The following KLF8 variants were observed in gnomAD, a reference collection of about 807,000 sequenced individuals.
KLF8 encodes KLF transcription factor 8, also known as Krueppel-like factor 8.
A neutral mutation model predicts 18.2 loss-of-function variants in KLF8; 10 were observed. That is an observed-to-expected ratio of 0.55 (90% CI 0.34 to 0.93). The LOEUF (loss-of-function observed/expected upper bound fraction) is 0.93. Ranked by LOEUF, KLF8 falls within the 40% of genes least tolerant of loss-of-function variation. The pLI is 0.02. For synonymous variants in KLF8, 109 were observed against 97.3 expected (o/e 1.12, Z -0.71); for missense variants, 264 against 277.9 (o/e 0.95, Z 0.36).
At chrX:56,094,752 G>T in the KLF8 span, among the ~76,000 whole-genome samples, 1 of 111,240 alleles carries the variant, frequency 9.0e-6, no homozygotes, top group Non-Finnish European at 1.9e-5. Context: ...TACAAAATGT[G>T]CTCCCAAACA....
the KLF8 span, among the ~76,000 whole-genome samples, chrX:55,966,836 G>T: frequency 8.9e-6 from 1 of 111,929 alleles, no homozygotes; most frequent in African/African-American, 3.2e-5. Context: ...TTCAGACAGA[G>T]AATTCAAAAT....
chrX:56,079,551 T>C, the KLF8 span, among the ~76,000 whole-genome samples: 1 of 111,709 alleles, frequency 9.0e-6, no homozygotes, highest in Admixed American at 9.5e-5. Flanking sequence ...TGAGGAGAGC[T>C]TTACTTCCCA....
the KLF8 span, chrX:55,908,733 C>T: frequency 2.5e-5 from 7 of 284,803 alleles, no homozygotes; most frequent in East Asian, 3.5e-4. Context: ...TCAATCCCGG[C>T]CCCGCCCCGT....
the KLF8 span, among the ~76,000 whole-genome samples, chrX:56,113,554 G>GTTTTTTTTTT: frequency 1.3e-3 from 45 of 34,652 alleles, 1 homozygote; most frequent in African/African-American, 3.3e-3. Flanking sequence ...GGCAGGGATA[G>GTTTTTTTTTT]TTTTTTTTTT....
At chrX:56,130,246 C>CA in the KLF8 span, among the ~76,000 whole-genome samples, 1 of 111,635 alleles carries the variant, frequency 9.0e-6, no homozygotes, top group Non-Finnish European at 1.9e-5. Flanking sequence ...AGGGCACTCA[C>CA]AGAGTCCATT....
chrX:55,933,024 T>C, the KLF8 span, among the ~76,000 whole-genome samples: 3 of 112,094 alleles, frequency 2.7e-5, no homozygotes, highest in Non-Finnish European at 3.8e-5. Flanking sequence ...AGTGTTTAAA[T>C]GTTTTAACTA....
chrX:56,117,121 A>T, the KLF8 span, among the ~76,000 whole-genome samples: 4 of 110,921 alleles, frequency 3.6e-5, no homozygotes, highest in East Asian at 2.8e-4. Flanking sequence ...TATTAATTTT[A>T]AAAAAGAAGG....
At chrX:56,220,623 C>G in the KLF8 span, among the ~76,000 whole-genome samples, 2 of 111,076 alleles carry the variant, frequency 1.8e-5, no homozygotes, top group African/African-American at 6.5e-5. Context: ...GTAGTTGGGA[C>G]TACAGGCATG....
chrX:56,160,757 T>C, the KLF8 span, among the ~76,000 whole-genome samples: 1 of 111,389 alleles, frequency 9.0e-6, no homozygotes, highest in South Asian at 3.8e-4. Flanking sequence ...TCTTCTTCCA[T>C]CCCTTTATTT....
the KLF8 span, among the ~76,000 whole-genome samples, chrX:56,159,692 T>A: frequency 1.8e-5 from 2 of 112,548 alleles, no homozygotes; most frequent in African/African-American, 6.5e-5. Context: ...TTTATAGTAC[T>A]CTCTGATGGT....
the KLF8 span, among the ~76,000 whole-genome samples, chrX:56,188,690 G>A: frequency 1.8e-5 from 2 of 111,655 alleles, no homozygotes; most frequent in African/African-American, 6.5e-5. Flanking sequence ...CAATGAAACA[G>A]AATAGAGCCC....
chrX:56,106,098 A>T, the KLF8 span, among the ~76,000 whole-genome samples: 2 of 111,032 alleles, frequency 1.8e-5, no homozygotes, highest in African/African-American at 6.5e-5. Context: ...TGTTAGTCTG[A>T]TGGGCTTCCC....
At chrX:56,176,329 C>G in the KLF8 span, among the ~76,000 whole-genome samples, 1 of 111,536 alleles carries the variant, frequency 9.0e-6, no homozygotes, top group Non-Finnish European at 1.9e-5. Context: ...ATTTGCTTGT[C>G]TGTAAAGCAT....
chrX:56,149,001 G>C, the KLF8 span, among the ~76,000 whole-genome samples: 3 of 111,967 alleles, frequency 2.7e-5, no homozygotes, highest in African/African-American at 6.5e-5. Context: ...CCCATATAAA[G>C]GGTTTTCATT....
chrX:56,145,943 C>T, the KLF8 span, among the ~76,000 whole-genome samples: 193 of 111,259 alleles, frequency 1.7e-3, no homozygotes, highest in Admixed American at 4.1e-3. Flanking sequence ...TTTATGCAGC[C>T]GACAAACAAA....
chrX:55,988,298 A>T, the KLF8 span, among the ~76,000 whole-genome samples: 1 of 110,175 alleles, frequency 9.1e-6, no homozygotes, highest in Non-Finnish European at 1.9e-5. Context: ...CTGAATGGTA[A>T]TGCCTAGGTT....
At chrX:56,129,044 G>A in the KLF8 span, among the ~76,000 whole-genome samples, 3 of 112,172 alleles carry the variant, frequency 2.7e-5, no homozygotes, top group Non-Finnish European at 5.6e-5. Context: ...GGTAAATGGA[G>A]TGCCACTGGT....
At chrX:56,072,399 C>T in the KLF8 span, among the ~76,000 whole-genome samples, 1 of 111,525 alleles carries the variant, frequency 9.0e-6, no homozygotes, top group Admixed American at 9.5e-5. Flanking sequence ...CAAATGGTAC[C>T]TGAGGATCTG....
At chrX:55,936,572 G>A in the KLF8 span, among the ~76,000 whole-genome samples, 1 of 112,857 alleles carries the variant, frequency 8.9e-6, no homozygotes, top group Non-Finnish European at 1.9e-5. Flanking sequence ...CCAAAGCAGG[G>A]CGAGGCATTG....
Sources: allele counts gnomAD v4.1 joint callset (sites outside exome capture counted in the v4.1 genomes callset), GRCh38; gene constraint gnomAD v4.1.1; transcripts MANE v1.5; gene names NCBI Gene and HGNC (gene_info 2026-07-23, HGNC 2026-07-21).